The following SASH1 variants were observed in gnomAD, a reference collection of about 807,000 sequenced individuals.
SASH1 encodes SAM and SH3 domain containing 1.
In SASH1, 44 loss-of-function variants were observed where a neutral mutation model predicts 125.2. That is an observed-to-expected ratio of 0.35 (90% CI 0.28 to 0.45). The LOEUF is 0.45. Ranked by LOEUF, SASH1 falls within the 20% of genes least tolerant of loss-of-function variation. The pLI is 1.00. For missense variants in SASH1, 1,426 were observed against 1,614.5 expected, an observed-to-expected ratio of 0.88 and a Z score of 2.00; for synonymous variants, 639 against 649.1, an observed-to-expected ratio of 0.98 and a Z score of 0.24.
intron 1 of SASH1, among the ~76,000 whole-genome samples, chr6:148,273,457 C>T (rs533019925): frequency 6.6e-6 from 1 of 151,702 alleles, no homozygotes; most frequent in East Asian, 1.9e-4. Context: ...CCATGCCCGG[C>T]TAATTTTTGT....
chr6:148,355,362 T>C (rs146528033), intron 1 of SASH1, among the ~76,000 whole-genome samples: 41 of 152,314 alleles, frequency 2.7e-4, no homozygotes, highest in African/African-American at 7.9e-4. Flanking sequence ...TGGAAGAGCG[T>C]CATAACACTG....
intron 9 of SASH1, among the ~76,000 whole-genome samples, chr6:148,517,465 G>T (rs1243421294): frequency 6.6e-6 from 1 of 152,156 alleles, no homozygotes; most frequent in Non-Finnish European, 1.5e-5. Context: ...CATCTTGATG[G>T]TCACTCTTCC....
chr6:148,243,348 G>A, the SASH1 span, among the ~76,000 whole-genome samples: 4 of 152,028 alleles, frequency 2.6e-5, no homozygotes, highest in African/African-American at 9.7e-5. Context: ...TACTCGGGAG[G>A]CTGAGGCAGG....
intron 8 of SASH1, among the ~76,000 whole-genome samples, chr6:148,488,594 G>C (rs1425214875): frequency 6.6e-6 from 1 of 152,222 alleles, no homozygotes; most frequent in African/African-American, 2.4e-5. Context: ...CACAGTAGCT[G>C]TATCGTTTTA....
intron 2 of SASH1, among the ~76,000 whole-genome samples, chr6:148,395,388 A>G (rs1428808083): frequency 6.6e-6 from 1 of 152,202 alleles, no homozygotes; most frequent in African/African-American, 2.4e-5. Flanking sequence ...AAAGGTTTTG[A>G]TAATTATGTT....
chr6:148,246,212 C>T, the SASH1 span, among the ~76,000 whole-genome samples: 1 of 152,210 alleles, frequency 6.6e-6, no homozygotes, highest in Middle Eastern at 3.4e-3. Context: ...GATTCAGAAA[C>T]AAGAGCTAAC....
At position 148,421,157 on chromosome 6, in the gene SASH1, G is replaced by GGAAGGAAGGAAGA. The variant is rs1317403460; in HGVS notation, c.286-19027_286-19026insGAAGGAAGGAAGA. ...AGGAAGGAAGGAAGGAAGAAAGAAA[G>GGAAGGAAGGAAGA]AAAGAAAGAAAGAAAGAAAGAAAGA... On this transcript the variant is annotated intron_variant, in intron 2 of 19. Transcript: ENST00000367467. Among the ~76,000 whole-genome samples, 353 of 83,702 alleles carry GGAAGGAAGGAAGA rather than the reference G, an allele frequency of 4.2e-3. 3 individuals carry two copies. The highest frequency in any genetic ancestry group is 0.012 in the Middle Eastern group (2 of 170). 54.9% of individuals were successfully genotyped at this position (83,702 alleles called of 152,430 possible). A position where few individuals can be genotyped will look rare whatever the true frequency, so the allele number is the denominator to read the frequency against.
At chr6:148,244,191 TC>T in the SASH1 span, among the ~76,000 whole-genome samples, 1 of 152,176 alleles carries the variant, frequency 6.6e-6, no homozygotes, top group Non-Finnish European at 1.5e-5. Context: ...TAAGCCTGCA[TC>T]CATGTGGCAA....
chr6:148,423,707 T>C (rs920444099), intron 2 of SASH1, among the ~76,000 whole-genome samples: 2 of 152,212 alleles, frequency 1.3e-5, no homozygotes, highest in African/African-American at 4.8e-5. Context: ...TGAAGGTCAG[T>C]GACTGTTTTT....
intron 1 of SASH1, among the ~76,000 whole-genome samples, chr6:148,298,250 T>C (rs1366175514): frequency 6.6e-6 from 1 of 152,032 alleles, no homozygotes; most frequent in African/African-American, 2.4e-5. Context: ...TGACCTTGGG[T>C]GATCTGCCCA....
intron 1 of SASH1, among the ~76,000 whole-genome samples, chr6:148,371,526 C>G (rs1782704850): frequency 6.6e-6 from 1 of 152,052 alleles, no homozygotes; most frequent in Admixed American, 6.5e-5. Context: ...CCTTGGCTTC[C>G]CAAAGTGTTG....
intron 19 of SASH1, among the ~76,000 whole-genome samples, chr6:148,547,023 C>G (rs1389706040): frequency 6.6e-6 from 1 of 152,122 alleles, no homozygotes; most frequent in Non-Finnish European, 1.5e-5. Flanking sequence ...ATTTCTTTTT[C>G]CTTCACAATT....
At position 148,533,032 on chromosome 6, in the gene SASH1, C is replaced by T; in HGVS notation, c.1734+66C>T. 6.5e-7 allele frequency: 1 copy of T among 1,538,272 alleles called. No homozygotes were observed. Among genetic ancestry groups the T allele is most frequent in the Non-Finnish European group, 9.0e-7 (1 of 1,116,228 alleles). On this transcript the variant is annotated intron_variant, in intron 14 of 19. Coordinates refer to ENST00000367467, the MANE Select transcript of SASH1 (RefSeq NM_015278.5). This position sits in a 1 kb window ranked among gnomAD's most constrained non-coding sequence, Gnocchi z 6.2. ...TCCATTTCTCTAGGAGGCTTTCTTT[C>T]CTCCTCACTGTTGAATGCTGGGCTA... is the stretch of plus-strand genomic sequence containing the variant.
chr6:148,205,576 TC>T, the SASH1 span, among the ~76,000 whole-genome samples: 1 of 152,096 alleles, frequency 6.6e-6, no homozygotes, highest in Non-Finnish European at 1.5e-5. Context: ...TAATAGGTCT[TC>T]CTAATAGAGG....
Position 148,326,360 on chromosome 6 carries a change from ATATATATATATATACATTCTTTTCTT to A in SASH1, n.74+53985_74+54010del, listed in dbSNP as rs1562326272. ...TATATATATATATATATATATATGC[ATATATATATATATACATTCTTTTCTT>A]TTCTTTTCTTTTCTTTTCTTTTCTT... On this transcript the variant is annotated intron_variant and non_coding_transcript_variant, in intron 1 of 3. Transcript: ENST00000367469. Among the ~76,000 whole-genome samples the A allele has an allele frequency of 6.2e-4, 20 of 32,248 alleles. 1 individual carries two copies. Among genetic ancestry groups the A allele is most frequent in the African/African-American group, 1.7e-3 (16 of 9,384 alleles). The allele number at this position is 32,248 out of a possible 152,430, so 21.2% of individuals were successfully genotyped here. A position where few individuals can be genotyped will look rare whatever the true frequency, so the allele number is the denominator to read the frequency against.
chr6:148,197,602 C>T, the SASH1 span, among the ~76,000 whole-genome samples: 3 of 152,214 alleles, frequency 2.0e-5, no homozygotes, highest in South Asian at 6.2e-4. Flanking sequence ...TCCTTCCTCA[C>T]AGCTGGACTC....
chr6:148,408,080 G>C (rs1043118949), intron 2 of SASH1, among the ~76,000 whole-genome samples: 1 of 151,024 alleles, frequency 6.6e-6, no homozygotes, highest in Admixed American at 6.6e-5. Flanking sequence ...GACATAAAAT[G>C]GTATCTCATT....
intron 1 of SASH1, among the ~76,000 whole-genome samples, chr6:148,323,968 T>C (rs911751036): frequency 4.0e-5 from 6 of 151,074 alleles, no homozygotes; most frequent in Non-Finnish European, 8.8e-5. Context: ...CTACTAAAAA[T>C]ACAAAAATTA....
At chr6:148,409,260 G>A (rs772622882) in intron 2 of SASH1, among the ~76,000 whole-genome samples, 2 of 152,126 alleles carry the variant, frequency 1.3e-5, no homozygotes, top group Non-Finnish European at 2.9e-5. Context: ...TGTGCCTCAC[G>A]GTGACTTGTA....
Sources: allele counts gnomAD v4.1 joint callset (sites outside exome capture counted in the v4.1 genomes callset), GRCh38; gene constraint gnomAD v4.1.1; non-coding constraint Gnocchi (gnomAD v3.1); transcripts MANE v1.5; gene names NCBI Gene and HGNC (gene_info 2026-07-23, HGNC 2026-07-21).